Variants in ZNF681 observed in about 807,000 individuals in gnomAD.
ZNF681 encodes the protein hypothetical protein FLJ31526.
ZNF681 carries 37 observed loss-of-function variants against 56.0 expected under a neutral mutation model. The ratio of observed to expected loss-of-function variants is 0.66; its 90% CI spans 0.51 to 0.87. The LOEUF (loss-of-function observed/expected upper bound fraction) is 0.87, where lower values mean the gene tolerates loss of function less well. ZNF681 is among the 40% of genes least tolerant of loss of function. ZNF681 has a pLI of 0.00. For synonymous variants in ZNF681, 225 were observed against 248.6 expected, an observed-to-expected ratio of 0.91 and a Z score of 0.89; for missense variants, 741 against 744.9, an observed-to-expected ratio of 0.99 and a Z score of 0.06.
At chr19:23,756,440 A>G (rs1969120111) in intron 1 of ZNF681, among the ~76,000 whole-genome samples, 1 of 152,194 alleles carries the variant, frequency 6.6e-6, no homozygotes, top group South Asian at 2.1e-4. Flanking sequence ...TACATACACA[A>G]CCATGGAATA....
rs923110435 is a variant in ZNF681, at chr19:23,740,153, T to G, written c.*3459A>C. 6.6e-5 allele frequency: 10 copies of G among 152,204 alleles called. No individual in the cohort carries two copies. Among genetic ancestry groups the G allele is most frequent in the Non-Finnish European group, 1.2e-4 (8 of 68,022 alleles). 9.4% of individuals were successfully genotyped at this position (152,204 alleles called of 1,614,324 possible). On this transcript the variant is annotated 3_prime_UTR_variant, in exon 4 of 4. Transcript: ENST00000402377. Reference sequence around the variant, plus strand: ...AATCCTTTCATCTGTGGACACTGTATGCTTTTTGTTTTAATTTAACTGATC... The same window carrying G: ...AATCCTTTCATCTGTGGACACTGTAGGCTTTTTGTTTTAATTTAACTGATC...
In ZNF681 at chr19:23,745,299, T is replaced by A; in HGVS notation, c.251A>T (p.Asp84Val). 6.4e-7 allele frequency: 1 copy of A among 1,568,534 alleles called. No individual in the cohort carries two copies. The change falls in exon 4 of 4, where the codon GAC becomes GTC. Residue 84 changes from aspartate (D) to valine (V), a missense_variant. Asp to Val is a radical substitution (Grantham distance 152). Transcript: ENST00000402377. The stretch of plus-strand genomic sequence containing the variant: ...TTTTATGTTCTGCTCTGGTGAAAAG[T>A]CTTGGGCAAAATGAGAACAAATAAC... ...PPVICSHFAQDFSPEQNIKDS... is the reference protein window; with the variant it reads ...PPVICSHFAQVFSPEQNIKDS...
Position 23,754,865 on chromosome 19 carries a change from G to C in ZNF681, c.184C>G (p.Pro62Ala), listed in dbSNP as rs764442252. Residue 62 changes from proline (P) to alanine (A), a missense_variant, in exon 3 of 4, where the codon CCT becomes GCT. Coordinates refer to ENST00000402377, the MANE Select transcript of ZNF681 (RefSeq NM_138286.3). ...ATCCTATGTCTCTTTCTAGTCCAAGGCTCTTTTTCTTGTTCCAGACAGGTG... is the reference window on the plus strand; with the variant it reads ...ATCCTATGTCTCTTTCTAGTCCAAGCCTCTTTTTCTTGTTCCAGACAGGTG... The part of the protein sequence containing the change: ...LITCLEQEKE[P>A]WTRKRHRMVA... 1.2e-6 allele frequency: 2 copies of C among 1,613,920 alleles called. No homozygotes were observed. The highest frequency in any genetic ancestry group is 1.7e-6 in the Non-Finnish European group (2 of 1,179,982).
Position 23,758,670 on chromosome 19 carries a change from G to A in ZNF681, c.3+77C>T, listed in dbSNP as rs1969164404. The A allele has an allele frequency of 3.7e-6, 6 of 1,610,846 alleles. No homozygotes were observed. In the South Asian group the frequency reaches 6.6e-5, roughly 18 times the overall value. On this transcript the variant is annotated intron_variant, in intron 1 of 3. Coordinates refer to ENST00000402377, the MANE Select transcript of ZNF681 (RefSeq NM_138286.3). Reference sequence around the variant, plus strand: ...GAGGAGAACTCAGGGCGCAAATTGTGGAGCTGACTGCGGCGAGGTCTGAGT... The same window carrying A: ...GAGGAGAACTCAGGGCGCAAATTGTAGAGCTGACTGCGGCGAGGTCTGAGT...
intron 3 of ZNF681, among the ~76,000 whole-genome samples, chr19:23,745,808 T>C (rs913060569): frequency 6.6e-6 from 1 of 152,072 alleles, no homozygotes; most frequent in African/African-American, 2.4e-5. Flanking sequence ...TTGACCAAAA[T>C]ACATTTGTGG....
chr19:23,739,462 T>C lies in ZNF681; in HGVS notation c.*4150A>G, dbSNP rs932946851. On this transcript the variant is annotated 3_prime_UTR_variant, in exon 4 of 4. Coordinates refer to ENST00000402377, the MANE Select transcript of ZNF681 (RefSeq NM_138286.3). ...ACAATGTATTTGTATTTCTGAAAAA[T>C]GCTAAAACATTGTCATGTGCTCTTA... 2 of 152,204 alleles carry C rather than the reference T, an allele frequency of 1.3e-5. No individual in the cohort carries two copies. Among genetic ancestry groups the C allele is most frequent in the African/African-American group, 2.4e-5 (1 of 41,454 alleles). The allele number at this position is 152,204 out of a possible 1,614,324, so 9.4% of individuals were successfully genotyped here.
chr19:23,745,840 T>A (rs1968937451), intron 3 of ZNF681, among the ~76,000 whole-genome samples: 1 of 152,148 alleles, frequency 6.6e-6, no homozygotes, highest in South Asian at 2.1e-4. Context: ...ATTAGTTAAG[T>A]GTGTGCAATG....
chr19:23,758,446 C>T (rs1969158311), intron 1 of ZNF681, among the ~76,000 whole-genome samples: 1 of 152,172 alleles, frequency 6.6e-6, no homozygotes, highest in African/African-American at 2.4e-5. Flanking sequence ...ACCCGGCACC[C>T]GTCAGGATTC....
rs1157538490 is a variant in ZNF681 at position 23,744,245 on chromosome 19, T to G, written c.1305A>C (p.Ser435=). 1.9e-6 allele frequency: 3 copies of G among 1,613,738 alleles called. No homozygotes were observed. The highest frequency in any genetic ancestry group is 1.6e-4 in the Middle Eastern group (1 of 6,062). The change falls in exon 4 of 4, where the codon TCA becomes TCC. Residue 435 remains serine, a synonymous_variant. Transcript: ENST00000402377. ...EKCGKASNQS[S]NLTEHKNIHT... Reference sequence around the variant, plus strand: ...GAATATTCTTATGTTCAGTAAGGTTTGAGGATTGGTTAGAAGCTTTGCCAC... The same window carrying G: ...GAATATTCTTATGTTCAGTAAGGTTGGAGGATTGGTTAGAAGCTTTGCCAC...
intron 3 of ZNF681, among the ~76,000 whole-genome samples, chr19:23,752,522 C>G (rs74479096): frequency 7.3e-6 from 1 of 136,398 alleles, no homozygotes; most frequent in Non-Finnish European, 1.6e-5. Flanking sequence ...ACCATATACA[C>G]AGACCTGACT....
At chr19:23,750,073 T>A (rs1969002225) in intron 3 of ZNF681, among the ~76,000 whole-genome samples, 1 of 150,106 alleles carries the variant, frequency 6.7e-6, no homozygotes, top group African/African-American at 2.4e-5. Context: ...TCACCTGAGG[T>A]CGGAAGTTCT....
At chr19:23,757,352 C>G (rs1969137532) in intron 1 of ZNF681, among the ~76,000 whole-genome samples, 1 of 151,912 alleles carries the variant, frequency 6.6e-6, no homozygotes, top group South Asian at 2.1e-4. Flanking sequence ...ATGAAAAGCC[C>G]GGCATTTTTA....
intron 3 of ZNF681, among the ~76,000 whole-genome samples, chr19:23,750,764 C>T (rs535445245): frequency 1.4e-5 from 2 of 143,190 alleles, no homozygotes; most frequent in Admixed American, 1.5e-4. Flanking sequence ...TTCCCTTGAA[C>T]ATGGGAGCTG....
At chr19:23,751,197 C>G (rs2144848375) in intron 3 of ZNF681, among the ~76,000 whole-genome samples, 1 of 150,118 alleles carries the variant, frequency 6.7e-6, no homozygotes, top group East Asian at 2.0e-4. Context: ...TCTAAATAGG[C>G]TGGGTGCGGT....
In ZNF681 at chr19:23,744,914, G is replaced by A. The variant is rs765070905; in HGVS notation, c.636C>T (p.Ile212=). Residue 212 remains isoleucine, a synonymous_variant, in exon 4 of 4, where the codon ATC becomes ATT. Coordinates refer to ENST00000402377, the MANE Select transcript of ZNF681 (RefSeq NM_138286.3). ...TATGAATTCTTTTATGTTTAGTAAA[G>A]ATTGAGGATCCATTAAAGGCTTTTC... ...DCGKAFNGSS[I]FTKHKRIHIG... 1.9e-6 allele frequency: 3 copies of A among 1,608,326 alleles called. No individual in the cohort carries two copies. The Admixed American group carries it at 5.1e-5, about 27-fold the overall frequency.
chr19:23,754,625 A>G (rs1296099380), intron 3 of ZNF681, among the ~76,000 whole-genome samples, 198 bp downstream of exon 3: 3 of 152,192 alleles, frequency 2.0e-5, no homozygotes, highest in Middle Eastern at 6.3e-3. Flanking sequence ...AGACTGTTCC[A>G]CTGCACTCCA....
rs780443618 is a variant in ZNF681 at position 23,744,714 on chromosome 19, TCTC to T, written c.833_835del (p.Gly278del). ...ACATTCTTCACGTTTGTAGGGATTCTCTCCAGTATGAATTATTGTATGTGTTGT... is the reference window on the plus strand; with the variant it reads ...ACATTCTTCACGTTTGTAGGGATTCTCAGTATGAATTATTGTATGTGTTGT... On this transcript the variant is annotated inframe_deletion, in exon 4 of 4. Transcript: ENST00000402377. 1.2e-6 allele frequency: 2 copies of T among 1,613,950 alleles called. No individual in the cohort carries two copies. The highest frequency in any genetic ancestry group is 2.7e-5 in the African/African-American group (2 of 74,934).
At position 23,745,286 on chromosome 19, in the gene ZNF681, C is replaced by T. The variant is rs748023311; in HGVS notation, c.264G>A (p.Glu88=). Reference sequence around the variant, plus strand: ...TTTGGAAAGAATCTTTTATGTTCTGCTCTGGTGAAAAGTCTTGGGCAAAAT... The same window carrying T: ...TTTGGAAAGAATCTTTTATGTTCTGTTCTGGTGAAAAGTCTTGGGCAAAAT... ...CSHFAQDFSP[E]QNIKDSFQKV... is the part of the protein sequence containing the mutation. Residue 88 remains glutamate, a synonymous_variant, in exon 4 of 4, where the codon GAG becomes GAA. Transcript: ENST00000402377. 5.7e-6 allele frequency: 9 copies of T among 1,583,720 alleles called. No individual in the cohort carries two copies. The highest frequency in any genetic ancestry group is 7.7e-6 in the Non-Finnish European group (9 of 1,169,946).
chr19:23,751,226 C>T (rs1969025072), intron 3 of ZNF681, among the ~76,000 whole-genome samples: 1 of 151,718 alleles, frequency 6.6e-6, no homozygotes, highest in African/African-American at 2.4e-5. Flanking sequence ...CATGTAATCC[C>T]AGCACTTTGG....
Sources: allele counts gnomAD v4.1 joint callset (sites outside exome capture counted in the v4.1 genomes callset), GRCh38; gene constraint gnomAD v4.1.1; transcripts MANE v1.5; gene names NCBI Gene and HGNC (gene_info 2026-07-23, HGNC 2026-07-21).